SAMD12: variants seen among roughly 807,000 people sequenced by gnomAD.
SAMD12 encodes sterile alpha motif domain containing 12, also known as sterile alpha motif domain-containing protein 12.
SAMD12 carries 9 observed loss-of-function variants against 15.0 expected under a neutral mutation model. That is an observed-to-expected ratio of 0.60 (90% confidence interval 0.36 to 1.05). SAMD12 has a LOEUF of 1.05. Among genes scored for constraint, SAMD12 ranks in the 50% least tolerant of loss-of-function variants. The pLI is 0.01. For missense variants in SAMD12, 230 were observed against 234.2 expected (o/e 0.98, Z 0.12); for synonymous variants, 86 against 90.1 (o/e 0.96, Z 0.25).
chr8:118,476,493 C>T (rs1175105725), intron 2 of SAMD12, among the ~76,000 whole-genome samples: 2 of 152,132 alleles, frequency 1.3e-5, no homozygotes, highest in Non-Finnish European at 2.9e-5. Flanking sequence ...AGAGTCTAGT[C>T]CAGAAAGATG....
At chr8:118,317,629 G>A (rs1320991187) in intron 4 of SAMD12, among the ~76,000 whole-genome samples, 2 of 152,166 alleles carry the variant, frequency 1.3e-5, no homozygotes, top group Non-Finnish European at 2.9e-5. Context: ...AGCTGGAAGG[G>A]TGCAACAAGA....
At chr8:118,485,778 A>T (rs760992315) in intron 2 of SAMD12, among the ~76,000 whole-genome samples, 1 of 152,234 alleles carries the variant, frequency 6.6e-6, no homozygotes, top group Non-Finnish European at 1.5e-5. Flanking sequence ...TAACAAAATC[A>T]TTACAATTAC....
chr8:118,472,010 G>A (rs996225014), intron 2 of SAMD12, among the ~76,000 whole-genome samples: 6 of 152,042 alleles, frequency 3.9e-5, no homozygotes, highest in Admixed American at 6.5e-5. Context: ...ACAATAGGCC[G>A]GGCGCGGTGG....
intron 3 of SAMD12, among the ~76,000 whole-genome samples, chr8:118,428,153 T>A (rs4242578): frequency 0.54 from 81,726 of 152,108 alleles, 24,382 homozygotes; most frequent in Non-Finnish European, 0.65. Flanking sequence ...CTTTATGTAT[T>A]TTGTATACAA....
chr8:118,319,395 G>A (rs751584254), intron 4 of SAMD12, among the ~76,000 whole-genome samples: 1 of 152,052 alleles, frequency 6.6e-6, no homozygotes, highest in Non-Finnish European at 1.5e-5. Context: ...AGTCAGCAAG[G>A]GAAGGAGTTC....
intron 2 of SAMD12, among the ~76,000 whole-genome samples, chr8:118,461,624 G>A (rs1299739093): frequency 3.9e-5 from 6 of 151,962 alleles, no homozygotes; most frequent in Non-Finnish European, 7.4e-5. Context: ...CTATAAATAC[G>A]GGACAGTACT....
intron 2 of SAMD12, among the ~76,000 whole-genome samples, chr8:118,522,062 G>A (rs1825401662): frequency 1.3e-5 from 2 of 152,020 alleles, no homozygotes; most frequent in South Asian, 4.1e-4. Context: ...CCACAATTGT[G>A]AGCTCTTGGG....
At chr8:118,590,983 C>T (rs2514589) in intron 1 of SAMD12, among the ~76,000 whole-genome samples, 119,456 of 152,126 alleles carry the variant, frequency 0.79, 46,991 homozygotes, top group East Asian at 0.82. Context: ...AACTGAAATA[C>T]ATAATAAACA....
intron 4 of SAMD12, among the ~76,000 whole-genome samples, chr8:118,265,069 G>A (rs1282929553): frequency 6.6e-6 from 1 of 152,036 alleles, no homozygotes; most frequent in East Asian, 1.9e-4. Context: ...CACTATCATC[G>A]CTACTAAGCT....
chr8:118,576,845 T>G lies in SAMD12; in HGVS notation c.192+3870A>C, dbSNP rs1332456416. ...AAGAGACTCATCCTCATCTGGACTC[T>G]CAACTTGGCAGCTGTGTGGGTGATG... On this transcript the variant is annotated intron_variant, in intron 2 of 3. Transcript: ENST00000314727. Among the ~76,000 whole-genome samples the G allele has an allele frequency of 4.6e-5, 7 of 152,334 alleles. No homozygotes were observed. In the South Asian group the frequency reaches 1.4e-3, roughly 32 times the overall value.
chr8:118,406,618 C>T (rs556388706), intron 3 of SAMD12, among the ~76,000 whole-genome samples: 1 of 152,242 alleles, frequency 6.6e-6, no homozygotes, highest in East Asian at 1.9e-4. Flanking sequence ...TAACTATATT[C>T]ACCATCATTG....
chr8:118,145,324 T>G, the SAMD12 span, among the ~76,000 whole-genome samples: 2 of 152,212 alleles, frequency 1.3e-5, no homozygotes, highest in African/African-American at 4.8e-5. Context: ...ATTCTTGAAG[T>G]GCATTTTATA....
chr8:118,292,477 C>T (rs1814448035), intron 4 of SAMD12, among the ~76,000 whole-genome samples: 1 of 151,860 alleles, frequency 6.6e-6, no homozygotes, highest in Non-Finnish European at 1.5e-5. Context: ...CTTGGCTAGT[C>T]TAGACTTTAT....
At chr8:118,152,732 C>T in the SAMD12 span, among the ~76,000 whole-genome samples, 1 of 152,098 alleles carries the variant, frequency 6.6e-6, no homozygotes, top group African/African-American at 2.4e-5. Flanking sequence ...CTCCTGGGCT[C>T]AAGCAGTTCA....
intron 3 of SAMD12, among the ~76,000 whole-genome samples, chr8:118,418,600 T>C (rs1457545518): frequency 1.3e-5 from 2 of 151,892 alleles, no homozygotes; most frequent in Non-Finnish European, 2.9e-5. Context: ...GCGCCTGTGG[T>C]CCCAGCTACT....
At chr8:118,397,838 G>C (rs559284953) in intron 3 of SAMD12, among the ~76,000 whole-genome samples, 1 of 152,148 alleles carries the variant, frequency 6.6e-6, no homozygotes, top group South Asian at 2.1e-4. Context: ...TGTCACCCAG[G>C]TTGGAGTGCA....
intron 4 of SAMD12, among the ~76,000 whole-genome samples, chr8:118,202,346 C>G (rs1439480362): frequency 6.6e-6 from 1 of 152,186 alleles, no homozygotes; most frequent in African/African-American, 2.4e-5. Context: ...AGAGGTCAAG[C>G]CTTTGCAACT....
chr8:118,568,100 G>A (rs1563588628), intron 2 of SAMD12, among the ~76,000 whole-genome samples: 1 of 152,138 alleles, frequency 6.6e-6, no homozygotes, highest in Non-Finnish European at 1.5e-5. Flanking sequence ...GTGTTAGTGG[G>A]GTAAAGAAAT....
At chr8:118,348,380 T>C (rs1817772632) in intron 4 of SAMD12, among the ~76,000 whole-genome samples, 1 of 151,624 alleles carries the variant, frequency 6.6e-6, no homozygotes, top group Non-Finnish European at 1.5e-5. Context: ...CTTATTACTT[T>C]TTTTTTTTGA....
Sources: allele counts gnomAD v4.1 joint callset (sites outside exome capture counted in the v4.1 genomes callset), GRCh38; gene constraint gnomAD v4.1.1; transcripts MANE v1.5; gene names NCBI Gene and HGNC (gene_info 2026-07-23, HGNC 2026-07-21).